ZNF787: variants seen among roughly 807,000 people sequenced by gnomAD.
ZNF787 encodes zinc finger protein 787, also known as TTF-I-interacting peptide 20.
A neutral mutation model predicts 16.9 loss-of-function variants in ZNF787; 7 were observed. The ratio of observed to expected loss-of-function variants is 0.42; its 90% CI spans 0.24 to 0.78. The LOEUF (loss-of-function observed/expected upper bound fraction) is 0.78. Among genes scored for constraint, ZNF787 ranks in the 30% least tolerant of loss-of-function variants. ZNF787 has a pLI of 0.30. For missense variants in ZNF787, 551 were observed against 589.3 expected, an observed-to-expected ratio of 0.94 and a Z score of 0.67; for synonymous variants, 345 against 270.9, an observed-to-expected ratio of 1.27 and a Z score of -2.69.
intron 2 of ZNF787, among the ~76,000 whole-genome samples, chr19:56,092,030 CGAA>C: frequency 6.6e-6 from 1 of 151,366 alleles, no homozygotes; most frequent in Admixed American, 6.6e-5. Flanking sequence ...AAGCCGAAGC[CGAA>C]GCCGAAGCCG....
chr19:56,116,993 G>A lies in ZNF787; in HGVS notation c.-11+4179C>T, dbSNP rs531629724. Among the ~76,000 whole-genome samples, 10 of 152,278 alleles carry A rather than the reference G, an allele frequency of 6.6e-5. No homozygotes were observed. The East Asian group carries it at 1.5e-3, about 24-fold the overall frequency. On this transcript the variant is annotated intron_variant, in intron 1 of 2. Transcript: ENST00000610935. ...CCCCACAATCAGTGGGAGACAGTGC[G>A]AGGCCATGAGGCCAGCACAGGGACA...
rs1361338675 is a variant in ZNF787 at position 56,087,827 on chromosome 19, G to A, written c.*196C>T. On this transcript the variant is annotated 3_prime_UTR_variant, in exon 3 of 3. Coordinates refer to ENST00000610935, the MANE Select transcript of ZNF787 (RefSeq NM_001002836.4). ...CAGGCTGAGGGGGCAGAGTCTCGAGGCGGAGAAGTGAACGGGCCCTAATAC... is the reference window on the plus strand; with the variant it reads ...CAGGCTGAGGGGGCAGAGTCTCGAGACGGAGAAGTGAACGGGCCCTAATAC... 3.0e-5 allele frequency: 26 copies of A among 871,390 alleles called. No homozygotes were observed. Among genetic ancestry groups the A allele is most frequent in the South Asian group, 4.4e-5 (1 of 22,894 alleles). 54.0% of individuals were successfully genotyped at this position (871,390 alleles called of 1,614,324 possible). A position where few individuals can be genotyped will look rare whatever the true frequency, so the allele number is the denominator to read the frequency against.
chr19:56,118,325 T>G (rs2030195773), intron 1 of ZNF787, among the ~76,000 whole-genome samples: 1 of 152,102 alleles, frequency 6.6e-6, no homozygotes, highest in African/African-American at 2.4e-5. Flanking sequence ...CAGCCCTGCG[T>G]GTAGGAGTCC....
At chr19:56,091,328 T>C (rs1985565792) in intron 2 of ZNF787, among the ~76,000 whole-genome samples, 1 of 152,218 alleles carries the variant, frequency 6.6e-6, no homozygotes, top group Admixed American at 6.5e-5. Flanking sequence ...ATGCTCCCTG[T>C]GACTCAGCTA....
intron 2 of ZNF787, among the ~76,000 whole-genome samples, chr19:56,100,159 T>C (rs1986038206): frequency 6.6e-6 from 1 of 152,182 alleles, no homozygotes; most frequent in African/African-American, 2.4e-5. Context: ...CCACGGCATC[T>C]ACCCCAAGGC....
intron 2 of ZNF787, among the ~76,000 whole-genome samples, chr19:56,094,716 G>A (rs1040355783): frequency 3.3e-5 from 5 of 152,130 alleles, no homozygotes; most frequent in Non-Finnish European, 7.3e-5. Context: ...TGGCACTAGG[G>A]ACTGGTTTTG....
At chr19:56,106,756 A>G (rs1053298849) in intron 1 of ZNF787, among the ~76,000 whole-genome samples, 2 of 152,274 alleles carry the variant, frequency 1.3e-5, no homozygotes, top group Non-Finnish European at 2.9e-5. Flanking sequence ...ACCTCATTCC[A>G]GGCCGGGGTC....
Position 56,117,000 on chromosome 19 carries a change from T to C in ZNF787, c.-11+4172A>G, listed in dbSNP as rs548238023. ...ATCAGTGGGAGACAGTGCGAGGCCA[T>C]GAGGCCAGCACAGGGACAAGAGGAC... On this transcript the variant is annotated intron_variant, in intron 1 of 2. Coordinates refer to ENST00000610935, the MANE Select transcript of ZNF787 (RefSeq NM_001002836.4). 8.5e-5 allele frequency among the ~76,000 whole-genome samples: 13 copies of C among 152,238 alleles called. No homozygotes were observed. In the South Asian group the frequency reaches 2.3e-3, roughly 27 times the overall value.
rs115198096 is a variant in ZNF787 at position 56,098,907 on chromosome 19, G to A, written c.79+4232C>T. ...GGTGATGGAGCCTAGGTGATAAGGC[G>A]GCACCAGAGAGAAGTGGCACAGCAG... On this transcript the variant is annotated intron_variant, in intron 2 of 2. Transcript: ENST00000610935. Among the ~76,000 whole-genome samples, 1,414 of 151,886 alleles carry A rather than the reference G, an allele frequency of 9.3e-3. 19 individuals are homozygous for A. Among genetic ancestry groups the A allele is most frequent in the African/African-American group, 0.032 (1,320 of 41,228 alleles).
intron 2 of ZNF787, among the ~76,000 whole-genome samples, chr19:56,095,343 T>TG (rs1985831675): frequency 6.6e-6 from 1 of 152,246 alleles, no homozygotes; most frequent in Non-Finnish European, 1.5e-5. Context: ...TTGATCTTGT[T>TG]GGGATGCACT....
In ZNF787 at chr19:56,101,934, G is replaced by A. The variant is rs541323098; in HGVS notation, c.79+1205C>T. 3.3e-5 allele frequency: 5 copies of A among 152,348 alleles called. No homozygotes were observed. The East Asian group carries it at 5.8e-4, about 18-fold the overall frequency. 9.4% of individuals were successfully genotyped at this position (152,348 alleles called of 1,614,324 possible). A position where few individuals can be genotyped will look rare whatever the true frequency, so the allele number is the denominator to read the frequency against. Reference sequence around the variant, plus strand: ...ATGGCAACCACCCACTGAGACGCGGGGCAGCCTGGGGCCGGGGTGTGGGCC... The same window carrying A: ...ATGGCAACCACCCACTGAGACGCGGAGCAGCCTGGGGCCGGGGTGTGGGCC... On this transcript the variant is annotated intron_variant, in intron 2 of 2. Coordinates refer to ENST00000610935, the MANE Select transcript of ZNF787 (RefSeq NM_001002836.4).
At chr19:56,095,103 G>A (rs1985822580) in intron 2 of ZNF787, among the ~76,000 whole-genome samples, 1 of 152,178 alleles carries the variant, frequency 6.6e-6, no homozygotes, top group Non-Finnish European at 1.5e-5. Flanking sequence ...GATAGAGCGA[G>A]ACTCCATCTC....
chr19:56,106,100 C>T (rs1599952484), intron 1 of ZNF787, among the ~76,000 whole-genome samples: 1 of 151,848 alleles, frequency 6.6e-6, no homozygotes, highest in African/African-American at 2.4e-5. Flanking sequence ...TTCCCCCTTC[C>T]GCGCCCACGG....
At chr19:56,103,699 G>A (rs1048079598) in intron 1 of ZNF787, among the ~76,000 whole-genome samples, 44 of 152,178 alleles carry the variant, frequency 2.9e-4, no homozygotes, top group African/African-American at 1.0e-3. Context: ...AGGGCAACAG[G>A]CGCCTAAGGG....
intron 1 of ZNF787, among the ~76,000 whole-genome samples, chr19:56,119,705 C>A (rs896264979): frequency 6.6e-6 from 1 of 152,204 alleles, no homozygotes; most frequent in African/African-American, 2.4e-5. Context: ...AGGGAGGGGC[C>A]AGGCCGGGTG....
At position 56,088,336 on chromosome 19, in the gene ZNF787, G is replaced by C. The variant is rs1372299933; in HGVS notation, c.836C>G (p.Pro279Arg). 8 of 1,222,768 alleles carry C rather than the reference G, an allele frequency of 6.5e-6. No homozygotes were observed. The highest frequency in any genetic ancestry group is 8.2e-6 in the Non-Finnish European group (8 of 977,286). The allele number at this position is 1,222,768 out of a possible 1,614,324, so 75.7% of individuals were successfully genotyped here. A position where few individuals can be genotyped will look rare whatever the true frequency, so the allele number is the denominator to read the frequency against. The change falls in exon 3 of 3, where the codon CCG becomes CGG. Residue 279 changes from proline (P) to arginine (R), a missense_variant. Coordinates refer to ENST00000610935, the MANE Select transcript of ZNF787 (RefSeq NM_001002836.4). This position sits in a 1 kb window ranked among gnomAD's most constrained non-coding sequence, Gnocchi z 8.6. ...PRSRRAPAPKPYVCLECGKGF... is the reference protein window; with the variant it reads ...PRSRRAPAPKRYVCLECGKGF... The stretch of plus-strand genomic sequence containing the variant: ...CTTCCCGCACTCCAGACACACGTAC[G>C]GCTTGGGGGCCGGGGCGCGCCGCGA...
At chr19:56,112,564 C>T (rs1020742736) in intron 1 of ZNF787, among the ~76,000 whole-genome samples, 1 of 151,572 alleles carries the variant, frequency 6.6e-6, no homozygotes, top group African/African-American at 2.4e-5. Context: ...CTCCTCCCCC[C>T]GCACTCTCGG....
At chr19:56,101,456 C>T (rs1292709552) in intron 2 of ZNF787, among the ~76,000 whole-genome samples, 3 of 152,248 alleles carry the variant, frequency 2.0e-5, no homozygotes, top group Non-Finnish European at 4.4e-5. Flanking sequence ...ACAAGGGGAC[C>T]TGACACCTAC....
intron 1 of ZNF787, among the ~76,000 whole-genome samples, chr19:56,120,094 C>T (rs1053481244): frequency 5.9e-5 from 9 of 152,228 alleles, no homozygotes; most frequent in African/African-American, 2.2e-4. Context: ...GGGGTCTGGT[C>T]ACCTTGGATG....
Sources: gnomAD v4.1 joint callset for allele counts (sites outside exome capture counted in the v4.1 genomes callset) on GRCh38, gnomAD v4.1.1 for gene constraint, Gnocchi (gnomAD v3.1) non-coding constraint, MANE v1.5 for transcripts, NCBI Gene and HGNC (gene_info 2026-07-23, HGNC 2026-07-21) for gene names.